SCLT1: variants seen among roughly 807,000 people sequenced by gnomAD.
SCLT1 encodes sodium channel and clathrin linker 1.
Under a neutral mutation model 112.8 loss-of-function variants are expected in SCLT1, and 78 were observed. That is an observed-to-expected ratio of 0.69 (90% confidence interval 0.58 to 0.83). The LOEUF is 0.83. Ranked by LOEUF, SCLT1 falls within the 40% of genes least tolerant of loss-of-function variation. SCLT1 has a pLI of 0.00. For synonymous variants in SCLT1, 257 were observed against 254.7 expected, an observed-to-expected ratio of 1.01 and a Z score of -0.09; for missense variants, 747 against 770.4, an observed-to-expected ratio of 0.97 and a Z score of 0.36.
At chr4:128,920,319 A>C (rs571417892) in intron 18 of SCLT1, among the ~76,000 whole-genome samples, 1 of 152,368 alleles carries the variant, frequency 6.6e-6, no homozygotes, top group East Asian at 1.9e-4. Context: ...CAACAGATGC[A>C]GATCCTCTGT....
At chr4:128,891,296 T>C (rs550556583) in intron 18 of SCLT1, among the ~76,000 whole-genome samples, 159 bp from the exon 19 acceptor site, 277 of 152,344 alleles carry the variant, frequency 1.8e-3, no homozygotes, top group Middle Eastern at 0.01. Context: ...ACTTGTTTAT[T>C]TCTTTTTAAC....
intron 2 of SCLT1, among the ~76,000 whole-genome samples, chr4:129,074,936 A>G (rs952417981): frequency 2.0e-5 from 3 of 152,116 alleles, no homozygotes; most frequent in Non-Finnish European, 4.4e-5. Context: ...CCCTGGTCTC[A>G]ATGATCCTCC....
intron 11 of SCLT1, among the ~76,000 whole-genome samples, chr4:128,963,031 A>T (rs1404327223): frequency 6.6e-6 from 1 of 152,206 alleles, no homozygotes; most frequent in Admixed American, 6.5e-5. Flanking sequence ...GTAATGAATG[A>T]TATATAAATC....
chr4:128,911,956 A>G (rs1352304420), intron 18 of SCLT1, among the ~76,000 whole-genome samples: 1 of 152,236 alleles, frequency 6.6e-6, no homozygotes, highest in Non-Finnish European at 1.5e-5. Flanking sequence ...CACTTTTTAA[A>G]AGGCATATTT....
chr4:129,003,617 T>C lies in SCLT1; in HGVS notation c.426+124A>G, dbSNP rs1743726197. The C allele has an allele frequency of 4.9e-6, 4 of 813,604 alleles. No individual in the cohort carries two copies. In the Admixed American group the frequency reaches 9.5e-5, roughly 19 times the overall value. The allele number at this position is 813,604 out of a possible 1,614,324, so 50.4% of individuals were successfully genotyped here. On this transcript the variant is annotated intron_variant, in intron 6 of 20. Transcript: ENST00000281142. ...GTGTTGCTACCTGTAACGATTCTTA[T>C]AAACTGTAAAAAATCATAATGTTAC...
At chr4:129,018,287 T>C (rs1366283783) in intron 5 of SCLT1, among the ~76,000 whole-genome samples, 1 of 152,222 alleles carries the variant, frequency 6.6e-6, no homozygotes, top group Non-Finnish European at 1.5e-5. Flanking sequence ...GGAAGGCATA[T>C]TAAAAGGAAG....
chr4:129,036,493 C>T (rs1186611981), intron 5 of SCLT1: 2 of 151,602 alleles, frequency 1.3e-5, no homozygotes, highest in African/African-American at 4.8e-5. Flanking sequence ...TACATCCCTG[C>T]TTAATAAGTA....
intron 5 of SCLT1, among the ~76,000 whole-genome samples, chr4:129,024,312 C>T (rs1426020072): frequency 6.6e-6 from 1 of 152,230 alleles, no homozygotes; most frequent in African/African-American, 2.4e-5. Context: ...TAGGGGCAGA[C>T]TGACACCTCA....
chr4:128,991,898 G>A (rs1350260401), intron 9 of SCLT1, among the ~76,000 whole-genome samples: 7 of 151,788 alleles, frequency 4.6e-5, no homozygotes, highest in South Asian at 2.1e-4. Flanking sequence ...GGGAAGATGT[G>A]CATAGGCTAT....
intron 18 of SCLT1, among the ~76,000 whole-genome samples, chr4:128,908,738 C>T (rs1458738008): frequency 6.6e-6 from 1 of 152,176 alleles, no homozygotes; most frequent in Non-Finnish European, 1.5e-5. Flanking sequence ...GCAGTTCTCA[C>T]CAATGGAGGT....
intron 9 of SCLT1, among the ~76,000 whole-genome samples, chr4:128,978,184 A>T (rs1367516054): frequency 6.6e-6 from 1 of 152,082 alleles, no homozygotes; most frequent in African/African-American, 2.4e-5. Flanking sequence ...TTCTTTTTTT[A>T]AAAAAGGAGT....
In SCLT1 at chr4:129,026,760, G is replaced by A. The variant is rs1051456860; in HGVS notation, c.290+12281C>T. Among the ~76,000 whole-genome samples the A allele has an allele frequency of 8.0e-4, 122 of 152,206 alleles. No homozygotes were observed. The East Asian group carries it at 0.021, about 26-fold the overall frequency. ...CCCTTCAAAAAATTAATGAATCCAG[G>A]AGCTGGTTTTTTGAAAGGATCAACA... On this transcript the variant is annotated intron_variant, in intron 5 of 20. Transcript: ENST00000281142.
chr4:128,899,242 TA>T (rs1168353767), intron 18 of SCLT1, among the ~76,000 whole-genome samples: 1 of 152,170 alleles, frequency 6.6e-6, no homozygotes, highest in East Asian at 1.9e-4. Context: ...TTTAGACCAA[TA>T]TCCCTGATGA....
intron 5 of SCLT1, among the ~76,000 whole-genome samples, chr4:129,004,479 A>G (rs1743815910): frequency 6.6e-6 from 1 of 152,102 alleles, no homozygotes; most frequent in African/African-American, 2.4e-5. Context: ...AAGGTAAATT[A>G]CAGATATTTC....
intron 9 of SCLT1, among the ~76,000 whole-genome samples, chr4:128,974,289 G>A (rs1441621531): frequency 6.6e-6 from 1 of 152,020 alleles, no homozygotes; most frequent in African/African-American, 2.4e-5. Context: ...TATACGAACA[G>A]TGGGATTTAT....
chr4:128,980,561 G>A (rs1260509359), intron 9 of SCLT1, among the ~76,000 whole-genome samples: 1 of 150,298 alleles, frequency 6.7e-6, no homozygotes, highest in African/African-American at 2.5e-5. Context: ...AATTTTGCTA[G>A]CATATTTTAA....
At chr4:128,983,480 G>A (rs999045299) in intron 9 of SCLT1, among the ~76,000 whole-genome samples, 3 of 152,266 alleles carry the variant, frequency 2.0e-5, no homozygotes, top group Non-Finnish European at 4.4e-5. Context: ...ATGAATGAGA[G>A]AAGTCTTTCT....
At chr4:128,959,831 G>T in intron 11 of SCLT1, 54 bp from the exon 12 acceptor site, 1 of 1,321,536 alleles carries the variant, frequency 7.6e-7, no homozygotes, top group South Asian at 1.2e-5. Context: ...GGGAAGGAGG[G>T]AGATTTACTG....
chr4:128,982,642 C>T (rs1011205973), intron 9 of SCLT1, among the ~76,000 whole-genome samples: 1 of 151,306 alleles, frequency 6.6e-6, no homozygotes, highest in Non-Finnish European at 1.5e-5. Context: ...GCTGGGATTA[C>T]AGGCTCCCAT....
Sources: allele counts gnomAD v4.1 joint callset (sites outside exome capture counted in the v4.1 genomes callset), GRCh38; gene constraint gnomAD v4.1.1; transcripts MANE v1.5; gene names NCBI Gene and HGNC (gene_info 2026-07-23, HGNC 2026-07-21).